The following THAP5 variants were observed in gnomAD, a reference collection of about 807,000 sequenced individuals.
THAP5 encodes THAP domain-containing protein 5.
THAP5 carries 26 observed loss-of-function variants against 34.0 expected under a neutral mutation model. The ratio of observed to expected loss-of-function variants is 0.77; its 90% CI spans 0.56 to 1.06. The LOEUF (loss-of-function observed/expected upper bound fraction) is 1.06. Ranked by LOEUF, THAP5 falls within the 50% of genes least tolerant of loss-of-function variation. The pLI is 0.00. For missense variants in THAP5, 394 were observed against 452.8 expected, an observed-to-expected ratio of 0.87 and a Z score of 1.18; for synonymous variants, 125 against 153.0, an observed-to-expected ratio of 0.82 and a Z score of 1.35.
At chr7:108,543,160 C>T in the THAP5 span, among the ~76,000 whole-genome samples, 2 of 151,876 alleles carry the variant, frequency 1.3e-5, no homozygotes, top group Non-Finnish European at 2.9e-5. Context: ...ATCTCCTGAC[C>T]TCATGATCCG....
At chr7:108,558,713 T>C (rs1416323382), downstream of THAP5, among the ~76,000 whole-genome samples, 1 of 152,054 alleles carries the variant, frequency 6.6e-6, no homozygotes, top group Admixed American at 6.6e-5. Flanking sequence ...TTTTAATCTT[T>C]TATTTTCTTT....
At chr7:108,545,528 C>A in the THAP5 span, among the ~76,000 whole-genome samples, 2 of 152,080 alleles carry the variant, frequency 1.3e-5, no homozygotes, top group Non-Finnish European at 2.9e-5. Context: ...TTAGGTAGAG[C>A]TTAAGCTTCA....
At chr7:108,559,330 G>A (rs1158749868), downstream of THAP5, among the ~76,000 whole-genome samples, 1 of 152,176 alleles carries the variant, frequency 6.6e-6, no homozygotes, top group African/African-American at 2.4e-5. Flanking sequence ...ATGAAAATAC[G>A]AGAGTGTTTT....
In THAP5 at chr7:108,566,387, G is replaced by T. The variant is rs994873895; in HGVS notation, c.81-365C>A. Among the ~76,000 whole-genome samples the T allele has an allele frequency of 2.6e-5, 4 of 152,146 alleles. No homozygotes were observed. In the East Asian group the frequency reaches 7.7e-4, roughly 29 times the overall value. On this transcript the variant is annotated intron_variant, in intron 1 of 2. Coordinates refer to ENST00000415914, the MANE Select transcript of THAP5 (RefSeq NM_001130475.3). ...CAGTTTGCCTAGAACTAGAAAAAAG[G>T]TTTGTATAAATTATAAATTCCTATT...
chr7:108,545,671 A>C, the THAP5 span, among the ~76,000 whole-genome samples: 1 of 152,278 alleles, frequency 6.6e-6, no homozygotes, highest in East Asian at 1.9e-4. Flanking sequence ...CAACATAAGG[A>C]AGATTTAGGA....
At position 108,564,475 on chromosome 7, in the gene THAP5, C is replaced by CT; in HGVS notation, c.903dup (p.Asp302ArgfsTer3). The CT allele has an allele frequency of 6.2e-7, 1 of 1,613,930 alleles. No homozygotes were observed. The highest frequency in any genetic ancestry group is 8.5e-7 in the Non-Finnish European group (1 of 1,179,922). On this transcript the variant is annotated frameshift_variant, in exon 3 of 3. Transcript: ENST00000415914. LOFTEE classifies it high-confidence loss of function. Reference sequence around the variant, plus strand: ...TCCTTATACAAGGAGTCTTCAATGTCTGTGTCTTCCATTTCCGTGGTTTCT... The same window carrying CT: ...TCCTTATACAAGGAGTCTTCAATGTCTTGTGTCTTCCATTTCCGTGGTTTCT...
chr7:108,559,119 A>T (rs1238064478), downstream of THAP5, among the ~76,000 whole-genome samples: 2 of 152,240 alleles, frequency 1.3e-5, no homozygotes, highest in African/African-American at 4.8e-5. Context: ...ACAGATAAAT[A>T]CAGTCATGGA....
the THAP5 span, among the ~76,000 whole-genome samples, chr7:108,542,897 G>C: frequency 6.6e-6 from 1 of 151,788 alleles, no homozygotes; most frequent in African/African-American, 2.4e-5. Context: ...AGAAGACTAG[G>C]CTCAAAACTT....
chr7:108,566,225 G>A (rs1004260274), intron 1 of THAP5, among the ~76,000 whole-genome samples: 1 of 152,144 alleles, frequency 6.6e-6, no homozygotes, highest in Non-Finnish European at 1.5e-5. Context: ...TAAGATGTAA[G>A]ACATGTAGCC....
chr7:108,557,286 C>T (rs1864392923), downstream of THAP5, among the ~76,000 whole-genome samples: 1 of 152,212 alleles, frequency 6.6e-6, no homozygotes, highest in Non-Finnish European at 1.5e-5. Context: ...TTTATTCCTC[C>T]CCAGAAAATG....
the THAP5 span, among the ~76,000 whole-genome samples, chr7:108,543,937 T>TG: frequency 1.3e-5 from 2 of 152,142 alleles, no homozygotes; most frequent in East Asian, 3.9e-4. Context: ...CTATATATAA[T>TG]GGGGGGTAGG....
At position 108,569,557 on chromosome 7, in the gene THAP5, A is replaced by C. The variant is rs936786294; in HGVS notation, c.13T>G (p.Cys5Gly). 14 of 1,551,682 alleles carry C rather than the reference A, an allele frequency of 9.0e-6. No homozygotes were observed. The highest frequency in any genetic ancestry group is 2.0e-5 in the Admixed American group (1 of 51,006). MPRY[C>G]AAICCKNRRG... ...CGGTTCTTACAACAAATCGCTGCGC[A>C]ATAGCGGGGCATGACTCGGGTGAGG... Residue 5 changes from cysteine (C) to glycine (G), a missense_variant, in exon 1 of 3, where the codon TGC (cysteine) becomes GGC (glycine). Coordinates refer to ENST00000415914, the MANE Select transcript of THAP5 (RefSeq NM_001130475.3).
At chr7:108,543,118 T>A in the THAP5 span, among the ~76,000 whole-genome samples, 4 of 151,548 alleles carry the variant, frequency 2.6e-5, no homozygotes, top group Non-Finnish European at 4.4e-5. Context: ...TAGTAGAGAC[T>A]GAGTTTCACC....
At chr7:108,550,857 G>A (rs908341602), downstream of THAP5, among the ~76,000 whole-genome samples, 5 of 152,140 alleles carry the variant, frequency 3.3e-5, no homozygotes, top group Admixed American at 6.5e-5. Flanking sequence ...ACGTCCTGAG[G>A]TACTGGGCTT....
At chr7:108,568,753 G>T (rs1001283581) in intron 1 of THAP5, among the ~76,000 whole-genome samples, 31 of 152,190 alleles carry the variant, frequency 2.0e-4, no homozygotes, top group Non-Finnish European at 4.4e-4. Flanking sequence ...TGAGATATGT[G>T]AGACACCAAA....
downstream of THAP5, among the ~76,000 whole-genome samples, chr7:108,560,270 AT>A (rs960839436): frequency 3.3e-5 from 5 of 152,168 alleles, no homozygotes; most frequent in Non-Finnish European, 7.3e-5. Flanking sequence ...TATAGTTCAT[AT>A]TTTACAGCAG....
At chr7:108,566,053 G>GA in intron 1 of THAP5, 31 bp from the exon 2 acceptor site, 1 of 1,483,556 alleles carries the variant, frequency 6.7e-7, no homozygotes, top group Non-Finnish European at 8.9e-7. Flanking sequence ...AAGAAAAAAG[G>GA]AAAAACTTTG....
At chr7:108,553,448 C>T (rs2154517838), downstream of THAP5, among the ~76,000 whole-genome samples, 1 of 152,250 alleles carries the variant, frequency 6.6e-6, no homozygotes, top group South Asian at 2.1e-4. Flanking sequence ...TCTAGTGCTC[C>T]CAACTATATT....
In THAP5 at chr7:108,565,951, C is replaced by G; in HGVS notation, c.152G>C (p.Ser51Thr). The G allele has an allele frequency of 6.4e-7, 1 of 1,550,974 alleles. No homozygotes were observed. Among genetic ancestry groups the G allele is most frequent in the Non-Finnish European group, 8.7e-7 (1 of 1,146,816 alleles). ...GTCACTACATAGAAACTGGTATTTA[C>G]TGGGAACCCATGAATCTCGCTTCAT... is the stretch of plus-strand genomic sequence containing the variant. ...KNMKRDSWVP[S>T]KYQFLCSDHF... Residue 51 changes from serine (S) to threonine (T), a missense_variant, in exon 2 of 3, where the codon AGT becomes ACT. Physicochemically the swap from Ser to Thr is moderately conservative, Grantham distance 58. Coordinates refer to ENST00000415914, the MANE Select transcript of THAP5 (RefSeq NM_001130475.3).
Sources: gnomAD v4.1 joint callset for allele counts (sites outside exome capture counted in the v4.1 genomes callset) on GRCh38, gnomAD v4.1.1 for gene constraint, MANE v1.5 for transcripts, NCBI Gene and HGNC (gene_info 2026-07-23, HGNC 2026-07-21) for gene names.